The following CADM1 variants were observed in gnomAD, a reference collection of about 807,000 sequenced individuals.
CADM1 encodes TSLC-1.
Under a neutral mutation model 53.1 loss-of-function variants are expected in CADM1, and 15 were observed. The ratio of observed to expected loss-of-function variants is 0.28; its 90% CI spans 0.19 to 0.44. The LOEUF (loss-of-function observed/expected upper bound fraction) is 0.44, where lower values mean the gene tolerates loss of function less well. Among genes scored for constraint, CADM1 ranks in the 20% least tolerant of loss-of-function variants. The pLI, the probability that CADM1 is intolerant of heterozygous loss-of-function variation, is 1.00. For missense variants in CADM1, 434 were observed against 611.3 expected (o/e 0.71, Z 3.06); for synonymous variants, 281 against 243.0 (o/e 1.16, Z -1.45).
chr11:115,231,206 T>C (rs1941800717), intron 4 of CADM1, 147 bp downstream of exon 4: 2 of 910,710 alleles, frequency 2.2e-6, no homozygotes, highest in Non-Finnish European at 3.6e-6. Flanking sequence ...TGCTTTGGCC[T>C]CAGACATATT....
intron 1 of CADM1, among the ~76,000 whole-genome samples, chr11:115,405,099 A>T (rs1947281376): frequency 6.6e-6 from 1 of 152,090 alleles, no homozygotes; most frequent in South Asian, 2.1e-4. Flanking sequence ...AGCTTGGACT[A>T]CAGGCATGCA....
chr11:115,183,616 T>G (rs997041114), intron 10 of CADM1, among the ~76,000 whole-genome samples: 14 of 152,138 alleles, frequency 9.2e-5, no homozygotes, highest in African/African-American at 3.4e-4. Context: ...TTTCTACCTC[T>G]GAGAAGGAGT....
rs568946618 is a variant in CADM1 at position 115,215,895 on chromosome 11, C to T, written c.822-1115G>A. On this transcript the variant is annotated intron_variant, in intron 6 of 11. Transcript: ENST00000331581. ...CAAGAGACCCATGCTTAATGATGAA[C>T]GGATCCTCAAGTTAGCCCTGTCAAG... 1.0e-3 allele frequency among the ~76,000 whole-genome samples: 159 copies of T among 152,292 alleles called. 2 individuals carry two copies. Among genetic ancestry groups the T allele is most frequent in the South Asian group, 1.2e-3 (6 of 4,822 alleles).
intron 10 of CADM1, among the ~76,000 whole-genome samples, chr11:115,181,121 G>A (rs79496965): frequency 0.01 from 1,475 of 143,186 alleles, 20 homozygotes; most frequent in African/African-American, 0.035. Flanking sequence ...ATAAAAGACC[G>A]CCTCCTCTCC....
rs557930776 is a variant in CADM1 at position 115,305,587 on chromosome 11, A to G, written c.125-65167T>C. Among the ~76,000 whole-genome samples the G allele has an allele frequency of 7.2e-5, 11 of 152,030 alleles. No individual in the cohort carries two copies. The South Asian group carries it at 8.3e-4, about 11-fold the overall frequency. The stretch of plus-strand genomic sequence containing the variant: ...ATAAATAGAGCATTGGCTGGCCACA[A>G]TGAAAGAGGCATTCTTTAAAGTTCT... On this transcript the variant is annotated intron_variant, in intron 1 of 11. Transcript: ENST00000331581.
intron 1 of CADM1, among the ~76,000 whole-genome samples, chr11:115,459,720 A>G (rs767076012): frequency 3.9e-5 from 6 of 152,206 alleles, no homozygotes; most frequent in African/African-American, 7.2e-5. Flanking sequence ...AGTTAATTCA[A>G]AATGGTTTAG....
chr11:115,498,223 T>C (rs1201329183), intron 1 of CADM1, among the ~76,000 whole-genome samples: 1 of 152,180 alleles, frequency 6.6e-6, no homozygotes, highest in Admixed American at 6.5e-5. Flanking sequence ...ATGCATGAGT[T>C]TCCCACACCA....
chr11:115,339,375 A>C (rs1945360657), intron 1 of CADM1, among the ~76,000 whole-genome samples: 1 of 152,152 alleles, frequency 6.6e-6, no homozygotes, highest in Non-Finnish European at 1.5e-5. Flanking sequence ...ACTTGAAACC[A>C]ACCCAAATGT....
chr11:115,318,847 T>A (rs1259969650), intron 1 of CADM1, among the ~76,000 whole-genome samples: 1 of 152,156 alleles, frequency 6.6e-6, no homozygotes, highest in Admixed American at 6.5e-5. Context: ...GCAGTAAGGA[T>A]CTGTAATACA....
Position 115,176,145 on chromosome 11 carries a change from A to C in CADM1, c.*329T>G. On this transcript the variant is annotated 3_prime_UTR_variant, in exon 12 of 12. Coordinates refer to ENST00000331581, the MANE Select transcript of CADM1 (RefSeq NM_001301043.2). ...AAATAAATGTGCACAAAGGGGGAAA[A>C]GAAAGGAACGCAACAAACAAACAAA... 1 of 1,158,882 alleles carries C rather than the reference A, an allele frequency of 8.6e-7. No individual in the cohort carries two copies. The highest frequency in any genetic ancestry group is 1.1e-6 in the Non-Finnish European group (1 of 929,012). 71.8% of individuals were successfully genotyped at this position (1,158,882 alleles called of 1,614,324 possible). A position where few individuals can be genotyped will look rare whatever the true frequency, so the allele number is the denominator to read the frequency against.
At chr11:115,432,404 A>T (rs2135299638) in intron 1 of CADM1, among the ~76,000 whole-genome samples, 1 of 152,268 alleles carries the variant, frequency 6.6e-6, no homozygotes, top group East Asian at 1.9e-4. Context: ...TGAATTAATG[A>T]ACTTATGCAT....
chr11:115,295,509 TATATATA>T (rs1400069541), intron 1 of CADM1, among the ~76,000 whole-genome samples: 1,668 of 27,916 alleles, frequency 0.06, 48 homozygotes, highest in East Asian at 0.23. Flanking sequence ...AGATATTTTA[TATATATA>T]TATATATATA....
At chr11:115,280,847 G>A (rs775492361) in intron 1 of CADM1, among the ~76,000 whole-genome samples, 2 of 152,164 alleles carry the variant, frequency 1.3e-5, no homozygotes, top group African/African-American at 4.8e-5. Context: ...CTAGGAATTT[G>A]GTCTTTCAGT....
rs143332720 is a variant in CADM1 at position 115,363,945 on chromosome 11, A to G, written c.125-123525T>C. Among the ~76,000 whole-genome samples, 463 of 152,270 alleles carry G rather than the reference A, an allele frequency of 3.0e-3. 2 individuals carry two copies. Among genetic ancestry groups the G allele is most frequent in the African/African-American group, 0.01 (436 of 41,568 alleles). ...TGCTTACTATATTCATTACAGTAACATGCTGTACAGGTCTGTAGCCTAGGA... is the reference window on the plus strand; with the variant it reads ...TGCTTACTATATTCATTACAGTAACGTGCTGTACAGGTCTGTAGCCTAGGA... On this transcript the variant is annotated intron_variant, in intron 1 of 11. Coordinates refer to ENST00000331581, the MANE Select transcript of CADM1 (RefSeq NM_001301043.2).
rs150721841 is a variant in CADM1, at chr11:115,419,664, T to C, written c.124+84607A>G. ...CTGAATTCTCTAAAGTATTAAGAAA[T>C]CTTTGACCGTGAACCCGAAAATGAG... On this transcript the variant is annotated intron_variant, in intron 1 of 11. Transcript: ENST00000331581. 3.7e-3 allele frequency among the ~76,000 whole-genome samples: 561 copies of C among 152,262 alleles called. 6 individuals carry two copies. Among genetic ancestry groups the C allele is most frequent in the Admixed American group, 8.9e-3 (136 of 15,278 alleles).
At chr11:115,301,027 C>T (rs1312775075) in intron 1 of CADM1, among the ~76,000 whole-genome samples, 1 of 152,036 alleles carries the variant, frequency 6.6e-6, no homozygotes, top group East Asian at 1.9e-4. Context: ...CTTTATTGCT[C>T]ACAGTTTCTC....
chr11:115,359,264 A>C (rs896512713), intron 1 of CADM1, among the ~76,000 whole-genome samples: 9 of 152,188 alleles, frequency 5.9e-5, no homozygotes, highest in African/African-American at 2.2e-4. Context: ...ACGTAGAGGG[A>C]AAGGACAACT....
chr11:115,214,494 A>T lies in CADM1; in HGVS notation c.994+114T>A, dbSNP rs1941091962. 4.3e-5 allele frequency: 46 copies of T among 1,064,334 alleles called. 1 individual carries two copies. In the South Asian group the frequency reaches 5.6e-4, roughly 13 times the overall value. 65.9% of individuals were successfully genotyped at this position (1,064,334 alleles called of 1,614,324 possible). On this transcript the variant is annotated intron_variant, in intron 7 of 11. Coordinates refer to ENST00000331581, the MANE Select transcript of CADM1 (RefSeq NM_001301043.2). ...AGGCCAGGCTTCTTTAAGTTCTAGA[A>T]GGAAACCAACTGGTTTTTGATTTTC...
chr11:115,197,381 G>A (rs1270385046), intron 9 of CADM1, among the ~76,000 whole-genome samples: 2 of 152,190 alleles, frequency 1.3e-5, no homozygotes, highest in East Asian at 3.8e-4. Context: ...CAGGCAAAGC[G>A]ATTAAAGTAG....
Sources: allele counts gnomAD v4.1 joint callset (sites outside exome capture counted in the v4.1 genomes callset), GRCh38; gene constraint gnomAD v4.1.1; transcripts MANE v1.5; gene names NCBI Gene and HGNC (gene_info 2026-07-23, HGNC 2026-07-21).